The following ZP3 variants were observed in gnomAD, a reference collection of about 807,000 sequenced individuals.
The protein encoded by ZP3 is zona pellucida sperm-binding protein 3.
ZP3 carries 21 observed loss-of-function variants against 35.6 expected under a neutral mutation model. The observed-to-expected ratio is 0.59, with a 90% CI of 0.42 to 0.85. The LOEUF is 0.85. Among genes scored for constraint, ZP3 ranks in the 40% least tolerant of loss-of-function variants. The probability of loss-of-function intolerance (pLI) is 0.00; values close to 1 mark genes in which losing one functional copy is unlikely to be tolerated. For missense variants in ZP3, 437 were observed against 536.5 expected, an observed-to-expected ratio of 0.81 and a Z score of 1.83; for synonymous variants, 207 against 214.5, an observed-to-expected ratio of 0.96 and a Z score of 0.31.
At position 76,416,945 on chromosome 7, in the gene ZP3, C is replaced by CATATAT. The variant is rs35169816; in HGVS notation, c.-66-8083_-66-8078dup. ...ATATACACATACATATGTATACATA[C>CATATAT]ATATATATATATATATATATATATA... On this transcript the variant is annotated intron_variant, in intron 1 of 8. Transcript: ENST00000336517. 7.2e-3 allele frequency among the ~76,000 whole-genome samples: 526 copies of CATATAT among 73,232 alleles called. 2 individuals carry two copies. The highest frequency in any genetic ancestry group is 0.018 in the Middle Eastern group (2 of 114). 48.0% of individuals were successfully genotyped at this position (73,232 alleles called of 152,430 possible).
upstream of ZP3, among the ~76,000 whole-genome samples, chr7:76,421,078 G>A (rs184294561): frequency 1.1e-3 from 169 of 152,132 alleles, 7 homozygotes; most frequent in South Asian, 0.03. Flanking sequence ...TGGGATTATA[G>A]GCGTGTGCCA....
chr7:76,400,989 G>A (rs899144501), intron 1 of ZP3: 4 of 1,550,984 alleles, frequency 2.6e-6, no homozygotes, highest in Non-Finnish European at 3.5e-6. Flanking sequence ...GGTGAGGAAG[G>A]GCGGGGTGGG....
At chr7:76,400,877 C>T in intron 1 of ZP3, 6 of 1,283,798 alleles carry the variant, frequency 4.7e-6, no homozygotes, top group Non-Finnish European at 5.5e-6. Context: ...GGGGAGACTA[C>T]AGCTCCCCTG....
chr7:76,399,999 C>T (rs1804762834), intron 1 of ZP3, among the ~76,000 whole-genome samples: 1 of 152,102 alleles, frequency 6.6e-6, no homozygotes, highest in Non-Finnish European at 1.5e-5. Flanking sequence ...TCCAAAATCT[C>T]TAAAAAAATT....
At chr7:76,430,026 A>G (rs1265516720) in intron 2 of ZP3, among the ~76,000 whole-genome samples, 1 of 152,112 alleles carries the variant, frequency 6.6e-6, no homozygotes, top group Non-Finnish European at 1.5e-5. Flanking sequence ...GTTCAAGACC[A>G]GTCTGGCCTA....
intron 1 of ZP3, among the ~76,000 whole-genome samples, chr7:76,426,695 T>C (rs1438343865): frequency 2.6e-5 from 4 of 151,644 alleles, no homozygotes; most frequent in Non-Finnish European, 4.4e-5. Flanking sequence ...AGCTGATAAG[T>C]GGTATTTTTT....
At chr7:76,408,013 A>T (rs987309007) in intron 1 of ZP3, among the ~76,000 whole-genome samples, 1 of 151,846 alleles carries the variant, frequency 6.6e-6, no homozygotes, top group African/African-American at 2.4e-5. Context: ...GGACTGGGCT[A>T]CTCTTGGTGT....
At chr7:76,426,766 G>A (rs893833736) in intron 1 of ZP3, among the ~76,000 whole-genome samples, 3 of 151,702 alleles carry the variant, frequency 2.0e-5, no homozygotes, top group African/African-American at 7.3e-5. Context: ...GAGTGCAATG[G>A]CGCCTATAAT....
At chr7:76,406,654 T>C (rs1464981908) in intron 1 of ZP3, among the ~76,000 whole-genome samples, 2 of 151,634 alleles carry the variant, frequency 1.3e-5, no homozygotes, top group Non-Finnish European at 2.9e-5. Flanking sequence ...CAGCTAATTA[T>C]TTTTCTTTTT....
At chr7:76,400,855 C>T (rs1221342557) in intron 1 of ZP3, among the ~76,000 whole-genome samples, 2 of 152,264 alleles carry the variant, frequency 1.3e-5, no homozygotes, top group East Asian at 1.9e-4. Context: ...GGATCAATCC[C>T]TTCTGGAAAA....
chr7:76,404,412 C>T lies in ZP3; in HGVS notation c.-67+6615C>T, dbSNP rs755942207. ...CAGCGCTTCTCATCCAGCTGGGGAC[C>T]AATTAGCATCTCTGCTTCCTTGTGC... On this transcript the variant is annotated intron_variant, in intron 1 of 8. Coordinates refer to the ZP3 transcript ENST00000336517. The T allele has an allele frequency of 1.9e-6, 3 of 1,613,960 alleles. No individual in the cohort carries two copies. In the Admixed American group the frequency reaches 5.0e-5, roughly 27 times the overall value.
chr7:76,423,696 C>A (rs1403855915), upstream of ZP3, among the ~76,000 whole-genome samples: 1 of 151,592 alleles, frequency 6.6e-6, no homozygotes, highest in African/African-American at 2.4e-5. Context: ...CTGAGGTGGG[C>A]GGATCCCTTG....
In ZP3 at chr7:76,415,070, T is replaced by C. The variant is rs1448942808; in HGVS notation, c.-66-9982T>C. Among the ~76,000 whole-genome samples the C allele has an allele frequency of 3.3e-5, 5 of 151,472 alleles. No homozygotes were observed. The East Asian group carries it at 1.0e-3, about 30-fold the overall frequency. ...GTAAGCACATTTTACAATTACGATATAGGCATTAAAAGGTCTGGAACGAGG... is the reference window on the plus strand; with the variant it reads ...GTAAGCACATTTTACAATTACGATACAGGCATTAAAAGGTCTGGAACGAGG... On this transcript the variant is annotated intron_variant, in intron 1 of 8. Coordinates refer to the ZP3 transcript ENST00000336517.
chr7:76,400,347 G>A, intron 1 of ZP3: 1 of 1,534,702 alleles, frequency 6.5e-7, no homozygotes, highest in Non-Finnish European at 8.8e-7. Context: ...AGCCGCGGCT[G>A]CCGCACTCGC....
Position 76,433,375 on chromosome 7 carries a change from G to A in ZP3, c.536-95G>A, listed in dbSNP as rs565599440. 1.0e-4 allele frequency: 140 copies of A among 1,395,352 alleles called. 1 individual carries two copies. The East Asian group carries it at 2.2e-3, about 22-fold the overall frequency. 86.4% of individuals were successfully genotyped at this position (1,395,352 alleles called of 1,614,324 possible). A position where few individuals can be genotyped will look rare whatever the true frequency, so the allele number is the denominator to read the frequency against. On this transcript the variant is annotated intron_variant, in intron 3 of 7. Transcript: ENST00000394857. ...TTGCCACGTTGGCTAGGCTGGTCTC[G>A]AACTCCTGACCTCAGGTGATCCACC...
intron 1 of ZP3, chr7:76,404,424 C>A (rs777413330): frequency 6.2e-7 from 1 of 1,614,106 alleles, no homozygotes; most frequent in Non-Finnish European, 8.5e-7. Flanking sequence ...ATTAGCATCT[C>A]TGCTTCCTTG....
chr7:76,426,874 C>CCACACACACACACACACACACACA (rs369991319), intron 1 of ZP3, among the ~76,000 whole-genome samples: 6 of 126,680 alleles, frequency 4.7e-5, no homozygotes, highest in South Asian at 2.8e-4. Context: ...CTACCAAACA[C>CCACACACACACACACACACACACA]CACACACACA....
intron 1 of ZP3, among the ~76,000 whole-genome samples, chr7:76,418,924 A>G (rs1005982819): frequency 6.6e-6 from 1 of 152,132 alleles, no homozygotes; most frequent in Non-Finnish European, 1.5e-5. Context: ...AGCTCCCCCA[A>G]TGTACACATT....
At chr7:76,435,227 C>G (rs1584069003) in intron 5 of ZP3, among the ~76,000 whole-genome samples, 1 of 152,270 alleles carries the variant, frequency 6.6e-6, no homozygotes, top group Non-Finnish European at 1.5e-5. Context: ...ACCTGTAGTC[C>G]CAGCCACTCC....
Sources: gnomAD v4.1 joint callset for allele counts (sites outside exome capture counted in the v4.1 genomes callset) on GRCh38, gnomAD v4.1.1 for gene constraint, MANE v1.5 for transcripts, NCBI Gene and HGNC (gene_info 2026-07-23, HGNC 2026-07-21) for gene names.